Variants in MAPK9 observed in about 807,000 individuals in gnomAD.
MAPK9 encodes mitogen-activated protein kinase 9.
A neutral mutation model predicts 57.1 loss-of-function variants in MAPK9; 30 were observed. The ratio of observed to expected loss-of-function variants is 0.53; its 90% CI spans 0.39 to 0.71. The LOEUF (loss-of-function observed/expected upper bound fraction) is 0.71, where lower values mean the gene tolerates loss of function less well. Ranked by LOEUF, MAPK9 falls within the 30% of genes least tolerant of loss-of-function variation. The pLI is 0.00. For synonymous variants in MAPK9, 155 were observed against 177.0 expected (o/e 0.88, Z 0.99); for missense variants, 362 against 521.0 (o/e 0.69, Z 2.97).
At chr5:180,240,116 G>A (rs1757526199) in intron 9 of MAPK9, 129 bp from the exon 10 acceptor site, 2 of 660,906 alleles carry the variant, frequency 3.0e-6, no homozygotes, top group South Asian at 1.8e-5. Context: ...TCAACACGTG[G>A]TTTAATAAAG....
intron 4 of MAPK9, among the ~76,000 whole-genome samples, chr5:180,263,745 G>A (rs1174590351): frequency 6.0e-5 from 8 of 132,910 alleles, no homozygotes; most frequent in Non-Finnish European, 1.1e-4. Flanking sequence ...TTGCTCTGTC[G>A]CCCTGGCTGG....
chr5:180,267,388 CT>C lies in MAPK9; in HGVS notation c.252+1891del, dbSNP rs376384825. Among the ~76,000 whole-genome samples, 1,000 of 151,742 alleles carry C rather than the reference CT, an allele frequency of 6.6e-3. 16 individuals are homozygous for C. The highest frequency in any genetic ancestry group is 0.052 in the South Asian group (248 of 4,808). On this transcript the variant is annotated intron_variant, in intron 3 of 11. Transcript: ENST00000452135. ...CATCCTGGCTAACATGGTGAAACCC[CT>C]GTCTCTACTAAAAATACAAAAAATT...
intron 3 of MAPK9, 79 bp downstream of exon 3, chr5:180,269,201 T>A: frequency 1.4e-6 from 2 of 1,425,672 alleles, no homozygotes; most frequent in Non-Finnish European, 2.0e-6. Context: ...CTGAACTCAA[T>A]GTATCTCCAG....
At position 180,264,982 on chromosome 5, in the gene MAPK9, A is replaced by G. The variant is rs1455948955; in HGVS notation, c.253-143T>C. 5 of 591,728 alleles carry G rather than the reference A, an allele frequency of 8.4e-6. No homozygotes were observed. In the East Asian group the frequency reaches 1.9e-4, roughly 22 times the overall value. The allele number at this position is 591,728 out of a possible 1,614,324, so 36.7% of individuals were successfully genotyped here. A position where few individuals can be genotyped will look rare whatever the true frequency, so the allele number is the denominator to read the frequency against. On this transcript the variant is annotated intron_variant, in intron 3 of 11. Transcript: ENST00000452135. ...TATTATTACTGCTTTTACCAATTAC[A>G]TGGCATTTGAGAAAAGTTAAACATC...
Position 180,241,091 on chromosome 5 carries a change from T to C in MAPK9, c.936A>G (p.Val312=), listed in dbSNP as rs1253271782. Residue 312 remains valine, a synonymous_variant, in exon 9 of 12, where the codon GTA becomes GTG. Transcript: ENST00000452135. ...TGTATGGGTGACGCAGAGCTTCGTC[T>C]ACAGAGATCCGCTTGTCAGGATCAA... ...LVIDPDKRIS[V]DEALRHPYIT... is the part of the protein sequence containing the mutation. The C allele has an allele frequency of 1.2e-6, 2 of 1,614,058 alleles. No homozygotes were observed. Among genetic ancestry groups the C allele is most frequent in the Admixed American group, 3.3e-5 (2 of 60,004 alleles).
At chr5:180,280,943 G>A (rs1054675025) in intron 1 of MAPK9, among the ~76,000 whole-genome samples, 2 of 152,100 alleles carry the variant, frequency 1.3e-5, no homozygotes, top group African/African-American at 2.4e-5. Context: ...TGCCCCCTGT[G>A]GGCAAGCTAG....
intron 5 of MAPK9, among the ~76,000 whole-genome samples, chr5:180,250,872 G>A (rs919159585): frequency 2.0e-5 from 3 of 152,168 alleles, no homozygotes; most frequent in South Asian, 2.1e-4. Flanking sequence ...CCTGCATGAA[G>A]GAAAGCCAGG....
chr5:180,268,927 CAGG>C (rs1247073243), intron 3 of MAPK9, among the ~76,000 whole-genome samples: 2 of 151,712 alleles, frequency 1.3e-5, no homozygotes, highest in Non-Finnish European at 2.9e-5. Context: ...ATCATGGGGC[CAGG>C]AGATCAAGAC....
At chr5:180,240,217 A>G (rs1757535368) in intron 9 of MAPK9, among the ~76,000 whole-genome samples, 1 of 152,256 alleles carries the variant, frequency 6.6e-6, no homozygotes, top group Non-Finnish European at 1.5e-5. Context: ...CTTAATAATC[A>G]CCTGACCTCA....
chr5:180,290,831 T>G (rs1379349735), intron 1 of MAPK9, among the ~76,000 whole-genome samples: 1 of 152,262 alleles, frequency 6.6e-6, no homozygotes, highest in African/African-American at 2.4e-5. Flanking sequence ...ATACTTCCTG[T>G]GTGCTTTCTA....
At chr5:180,289,171 A>G (rs1241630317) in intron 1 of MAPK9, among the ~76,000 whole-genome samples, 1 of 152,186 alleles carries the variant, frequency 6.6e-6, no homozygotes, top group Non-Finnish European at 1.5e-5. Context: ...CAACTGGTTT[A>G]CTCGCTATTA....
At chr5:180,291,623 G>A (rs977297250) in intron 1 of MAPK9, among the ~76,000 whole-genome samples, 2 of 151,932 alleles carry the variant, frequency 1.3e-5, no homozygotes, top group Admixed American at 6.6e-5. Context: ...GGGCAGGTCG[G>A]CCGGGCCAGG....
chr5:180,266,865 C>T (rs1238339538), intron 3 of MAPK9, among the ~76,000 whole-genome samples: 1 of 152,166 alleles, frequency 6.6e-6, no homozygotes, highest in African/African-American at 2.4e-5. Context: ...CCAAGAAATT[C>T]ACCTGGACGA....
chr5:180,257,546 C>G (rs907674141), intron 5 of MAPK9: 1 of 152,236 alleles, frequency 6.6e-6, no homozygotes, highest in African/African-American at 2.4e-5. Context: ...TGCCTCTAGT[C>G]TCACTCAGTA....
At chr5:180,254,878 C>CA (rs1345949189) in intron 5 of MAPK9, among the ~76,000 whole-genome samples, 2 of 152,196 alleles carry the variant, frequency 1.3e-5, no homozygotes, top group Admixed American at 6.5e-5. Context: ...ACTAAAAATA[C>CA]AAAAAATTAG....
At chr5:180,279,638 C>T (rs766295193) in intron 2 of MAPK9, among the ~76,000 whole-genome samples, 3 of 151,824 alleles carry the variant, frequency 2.0e-5, no homozygotes, top group African/African-American at 4.8e-5. Context: ...TGTTTAACTG[C>T]ACCACGGTTT....
intron 5 of MAPK9, among the ~76,000 whole-genome samples, chr5:180,255,116 C>T (rs1035367982): frequency 3.3e-5 from 5 of 152,264 alleles, no homozygotes; most frequent in Non-Finnish European, 5.9e-5. Context: ...CCATTCTGAG[C>T]GCAACTGATC....
At chr5:180,273,585 A>T (rs1013888270) in intron 2 of MAPK9, among the ~76,000 whole-genome samples, 17 of 152,188 alleles carry the variant, frequency 1.1e-4, no homozygotes, top group African/African-American at 3.9e-4. Context: ...AAGATCATGA[A>T]GACATTCTCC....
At chr5:180,278,953 A>G (rs545567448) in intron 2 of MAPK9, among the ~76,000 whole-genome samples, 5 of 151,606 alleles carry the variant, frequency 3.3e-5, no homozygotes, top group African/African-American at 1.2e-4. Flanking sequence ...CACTAACTTT[A>G]AAACTTTTTT....
Sources: allele counts gnomAD v4.1 joint callset (sites outside exome capture counted in the v4.1 genomes callset), GRCh38; gene constraint gnomAD v4.1.1; transcripts MANE v1.5; gene names NCBI Gene and HGNC (gene_info 2026-07-23, HGNC 2026-07-21).